The following SPACA7 variants were observed in gnomAD, a reference collection of about 807,000 sequenced individuals.
SPACA7 encodes the protein sperm acrosome-associated protein 7.
A neutral mutation model predicts 26.3 loss-of-function variants in SPACA7; 19 were observed. The observed-to-expected ratio is 0.72, with a 90% CI of 0.50 to 1.06. The LOEUF is 1.06. SPACA7 is among the 50% of genes least tolerant of loss of function. SPACA7 has a pLI of 0.00. For synonymous variants in SPACA7, 84 were observed against 84.5 expected, an observed-to-expected ratio of 0.99 and a Z score of 0.04; for missense variants, 211 against 229.9, an observed-to-expected ratio of 0.92 and a Z score of 0.53.
chr13:112,414,386 G>GTTTTTTTT (rs1850535010), intron 5 of SPACA7, among the ~76,000 whole-genome samples: 1 of 69,880 alleles, frequency 1.4e-5, no homozygotes, highest in Non-Finnish European at 3.0e-5. Context: ...GCTTTTCTGT[G>GTTTTTTTT]TCTTTTTTTT....
chr13:112,420,842 C>T (rs1566485315), intron 5 of SPACA7, among the ~76,000 whole-genome samples: 1 of 151,984 alleles, frequency 6.6e-6, no homozygotes, highest in East Asian at 1.9e-4. Flanking sequence ...AAAAGAAACA[C>T]TTTACATAGA....
At chr13:112,381,691 T>G (rs1396378099) in intron 1 of SPACA7, among the ~76,000 whole-genome samples, 1 of 151,766 alleles carries the variant, frequency 6.6e-6, no homozygotes, top group Non-Finnish European at 1.5e-5. Flanking sequence ...GGAAACAGAG[T>G]TTTTACGGAT....
chr13:112,382,007 C>G (rs1475927020), intron 1 of SPACA7, among the ~76,000 whole-genome samples: 1 of 152,168 alleles, frequency 6.6e-6, no homozygotes, highest in African/African-American at 2.4e-5. Flanking sequence ...CAAAAGCAAT[C>G]TAGACCCCAG....
chr13:112,386,713 A>C (rs888365287), intron 1 of SPACA7, among the ~76,000 whole-genome samples: 2 of 152,184 alleles, frequency 1.3e-5, no homozygotes, highest in Admixed American at 6.5e-5. Flanking sequence ...AGGCCTTTTA[A>C]ATACATCTAT....
At chr13:112,420,167 T>C (rs761697968) in intron 5 of SPACA7, among the ~76,000 whole-genome samples, 3 of 152,210 alleles carry the variant, frequency 2.0e-5, no homozygotes, top group Non-Finnish European at 2.9e-5. Context: ...CTGTGCTTCA[T>C]ACATGATGTC....
At chr13:112,383,080 GAAA>G (rs1491437574) in intron 1 of SPACA7, among the ~76,000 whole-genome samples, 2 of 83,900 alleles carry the variant, frequency 2.4e-5, no homozygotes, top group African/African-American at 9.2e-5. Context: ...GAGAAAGAAA[GAAA>G]AAGAAAGAAA....
chr13:112,416,282 G>A (rs1030410857), intron 5 of SPACA7, among the ~76,000 whole-genome samples: 3 of 82,296 alleles, frequency 3.6e-5, no homozygotes, highest in Non-Finnish European at 7.4e-5. Context: ...AGTTGTTGTT[G>A]TTGTTGTTTG....
At chr13:112,383,195 A>C (rs1884313332) in intron 1 of SPACA7, among the ~76,000 whole-genome samples, 1 of 137,420 alleles carries the variant, frequency 7.3e-6, no homozygotes, top group African/African-American at 3.0e-5. Context: ...GAAAGAAAGA[A>C]AAGAAAGAAA....
intron 5 of SPACA7, among the ~76,000 whole-genome samples, chr13:112,408,361 C>G (rs563501419): frequency 1.3e-5 from 2 of 152,248 alleles, no homozygotes; most frequent in East Asian, 3.9e-4. Flanking sequence ...GTTGGAAATT[C>G]CAGCCAGGGC....
rs558438663 is a variant in SPACA7 at position 112,413,836 on chromosome 13, G to A, written c.445+12672G>A. 3.3e-5 allele frequency among the ~76,000 whole-genome samples: 5 copies of A among 152,252 alleles called. No homozygotes were observed. The South Asian group carries it at 1.0e-3, about 32-fold the overall frequency. The stretch of plus-strand genomic sequence containing the variant: ...TTTGTGTTGCCATAATGGGATACCT[G>A]AGGCTGGGTAATTTATAAAGAAAAG... On this transcript the variant is annotated intron_variant, in intron 5 of 6. Coordinates refer to ENST00000283550, the MANE Select transcript of SPACA7 (RefSeq NM_145248.5).
chr13:112,387,022 C>G (rs2138887614), intron 1 of SPACA7, among the ~76,000 whole-genome samples: 1 of 152,244 alleles, frequency 6.6e-6, no homozygotes, highest in African/African-American at 2.4e-5. Context: ...AATAAGAAAT[C>G]AGAAAGGAAT....
chr13:112,410,658 T>G (rs1886291637), intron 5 of SPACA7, among the ~76,000 whole-genome samples: 1 of 152,146 alleles, frequency 6.6e-6, no homozygotes, highest in Non-Finnish European at 1.5e-5. Flanking sequence ...TAGTGAGTAC[T>G]GGGGAGGATG....
intron 2 of SPACA7, 82 bp from the exon 3 acceptor site, chr13:112,397,967 G>A: frequency 1.2e-6 from 1 of 833,860 alleles, no homozygotes; most frequent in Non-Finnish European, 2.0e-6. Context: ...TTCACTGTGT[G>A]TACAGATGGC....
At chr13:112,397,415 A>G (rs913107009) in intron 2 of SPACA7, among the ~76,000 whole-genome samples, 3 of 152,150 alleles carry the variant, frequency 2.0e-5, no homozygotes, top group Admixed American at 1.3e-4. Flanking sequence ...CGTGCTGAGC[A>G]CCTTCTGCAT....
At chr13:112,411,911 G>A (rs546644050) in intron 5 of SPACA7, among the ~76,000 whole-genome samples, 5 of 152,256 alleles carry the variant, frequency 3.3e-5, no homozygotes, top group Admixed American at 3.3e-4. Context: ...CCATGGGAGT[G>A]TAGAGATTTC....
At chr13:112,434,198 G>A (rs1357862736) in intron 6 of SPACA7, among the ~76,000 whole-genome samples, 2 of 152,198 alleles carry the variant, frequency 1.3e-5, no homozygotes, top group Non-Finnish European at 2.9e-5. Context: ...GGAGGAGGAG[G>A]ACCAGTCCAG....
At chr13:112,391,120 G>A (rs561363702) in intron 1 of SPACA7, among the ~76,000 whole-genome samples, 3 of 152,336 alleles carry the variant, frequency 2.0e-5, no homozygotes, top group South Asian at 2.1e-4. Context: ...AAGCATTCAG[G>A]TCACAGTTGT....
intron 1 of SPACA7, among the ~76,000 whole-genome samples, chr13:112,388,047 A>G (rs1279527783): frequency 6.6e-6 from 1 of 152,166 alleles, no homozygotes; most frequent in African/African-American, 2.4e-5. Flanking sequence ...GGGCTCATCA[A>G]ATGTGACCAG....
At chr13:112,389,040 G>A (rs1189775403) in intron 1 of SPACA7, among the ~76,000 whole-genome samples, 1 of 152,206 alleles carries the variant, frequency 6.6e-6, no homozygotes, top group Non-Finnish European at 1.5e-5. Context: ...GAATCTGGTA[G>A]CCTCCAGCTG....
Sources: allele counts gnomAD v4.1 joint callset (sites outside exome capture counted in the v4.1 genomes callset), GRCh38; gene constraint gnomAD v4.1.1; transcripts MANE v1.5; gene names NCBI Gene and HGNC (gene_info 2026-07-23, HGNC 2026-07-21).